VSNL1: variants seen among roughly 807,000 people sequenced by gnomAD.
VSNL1 encodes visinin-like protein 1.
Under a neutral mutation model 20.4 loss-of-function variants are expected in VSNL1, and 6 were observed. That is an observed-to-expected ratio of 0.29 (90% CI 0.16 to 0.58). VSNL1 has a LOEUF of 0.58. Ranked by LOEUF, VSNL1 falls within the 20% of genes least tolerant of loss-of-function variation. The pLI is 0.90. For missense variants in VSNL1, 100 were observed against 234.5 expected (o/e 0.43, Z 3.75); for synonymous variants, 93 against 86.4 (o/e 1.08, Z -0.42).
intron 1 of VSNL1, among the ~76,000 whole-genome samples, chr2:17,586,762 C>A (rs1231689289): frequency 1.3e-5 from 2 of 152,114 alleles, no homozygotes; most frequent in Non-Finnish European, 1.5e-5. Context: ...ATATCAAATA[C>A]AAGGAAAAGA....
intron 2 of VSNL1, among the ~76,000 whole-genome samples, chr2:17,629,200 G>A (rs796193402): frequency 2.6e-5 from 4 of 152,322 alleles, no homozygotes; most frequent in African/African-American, 9.6e-5. Context: ...GCTCAGGGTT[G>A]TTTAGTTGAA....
At chr2:17,577,901 A>G (rs913592844) in intron 1 of VSNL1, among the ~76,000 whole-genome samples, 1 of 152,056 alleles carries the variant, frequency 6.6e-6, no homozygotes, top group Admixed American at 6.5e-5. Context: ...TCAGGGTTCA[A>G]ATCCCAACTC....
intron 1 of VSNL1, 145 bp from the exon 2 acceptor site, chr2:17,591,925 A>T: frequency 1.3e-6 from 1 of 757,010 alleles, no homozygotes; most frequent in South Asian, 1.9e-5. Flanking sequence ...TACCAAGTAG[A>T]AGGAGGCAGA....
chr2:17,636,195 G>C (rs977888943), intron 2 of VSNL1, among the ~76,000 whole-genome samples: 1 of 151,972 alleles, frequency 6.6e-6, no homozygotes, highest in Middle Eastern at 3.4e-3. Context: ...TGTCATCAAG[G>C]TACAAAGGCA....
At chr2:17,640,474 T>TATAGATATCCTATAGATATCCTATAGA (rs1324954796) in intron 2 of VSNL1, among the ~76,000 whole-genome samples, 2 of 152,186 alleles carry the variant, frequency 1.3e-5, no homozygotes, top group East Asian at 3.9e-4. Context: ...CAACCAGATC[T>TATAGATATCCTATAGATATCCTATAGA]TATCCTATAA....
chr2:17,608,674 A>G (rs1244342824), intron 2 of VSNL1, among the ~76,000 whole-genome samples: 1 of 152,208 alleles, frequency 6.6e-6, no homozygotes, highest in East Asian at 1.9e-4. Context: ...AAAAGTCTTC[A>G]TGGCGAGACT....
chr2:17,589,033 AG>A (rs1435654673), intron 1 of VSNL1, among the ~76,000 whole-genome samples: 3 of 152,206 alleles, frequency 2.0e-5, no homozygotes, highest in Non-Finnish European at 4.4e-5. Context: ...AGCTTTTACA[AG>A]GAAAGGGAGA....
At chr2:17,592,673 T>C (rs1664622367) in intron 2 of VSNL1, among the ~76,000 whole-genome samples, 1 of 36,156 alleles carries the variant, frequency 2.8e-5, no homozygotes. Flanking sequence ...TTTTTTTTTT[T>C]TTTTTTACCA....
At chr2:17,560,874 C>G (rs543536728) in intron 1 of VSNL1, among the ~76,000 whole-genome samples, 172 of 152,250 alleles carry the variant, frequency 1.1e-3, no homozygotes, top group African/African-American at 3.6e-3. Context: ...AACTGAGATT[C>G]AGATTGCAAC....
intron 2 of VSNL1, among the ~76,000 whole-genome samples, chr2:17,608,019 A>G (rs952344684): frequency 5.9e-5 from 9 of 152,258 alleles, no homozygotes; most frequent in African/African-American, 1.2e-4. Context: ...AGAGTTGTCA[A>G]TGAACTTCCT....
chr2:17,656,707 A>G lies in VSNL1; in HGVS notation c.*1313A>G, dbSNP rs1480924175. The G allele has an allele frequency of 6.6e-6, 1 of 152,190 alleles. No individual in the cohort carries two copies. Among genetic ancestry groups the G allele is most frequent in the Non-Finnish European group, 1.5e-5 (1 of 68,032 alleles). The allele number at this position is 152,190 out of a possible 1,614,324, so 9.4% of individuals were successfully genotyped here. On this transcript the variant is annotated 3_prime_UTR_variant, in exon 4 of 4. Coordinates refer to ENST00000295156, the MANE Select transcript of VSNL1 (RefSeq NM_003385.5). ...CAGAACATGCCCCCCTAGAGAGTTGAGTTTTTTACACAGCACTACCCGGTA... is the reference window on the plus strand; with the variant it reads ...CAGAACATGCCCCCCTAGAGAGTTGGGTTTTTTACACAGCACTACCCGGTA...
At chr2:17,606,947 A>T (rs1664958695) in intron 2 of VSNL1, among the ~76,000 whole-genome samples, 1 of 152,104 alleles carries the variant, frequency 6.6e-6, no homozygotes, top group Non-Finnish European at 1.5e-5. Flanking sequence ...TGTCTGTGTG[A>T]TGCCTGGAGT....
chr2:17,571,002 G>T (rs1160021934), intron 1 of VSNL1, among the ~76,000 whole-genome samples: 1 of 151,952 alleles, frequency 6.6e-6, no homozygotes, highest in Non-Finnish European at 1.5e-5. Flanking sequence ...CTGTAGCCTG[G>T]GGAACAGAGC....
intron 2 of VSNL1, among the ~76,000 whole-genome samples, chr2:17,600,074 A>G (rs1027162291): frequency 1.3e-5 from 2 of 152,186 alleles, no homozygotes; most frequent in African/African-American, 4.8e-5. Flanking sequence ...ATCTGTCCCA[A>G]CTTTTAGCAA....
At chr2:17,632,017 G>C (rs1181094661) in intron 2 of VSNL1, among the ~76,000 whole-genome samples, 1 of 152,082 alleles carries the variant, frequency 6.6e-6, no homozygotes, top group East Asian at 1.9e-4. Context: ...CTCCCACGTA[G>C]CTGGGACTAC....
chr2:17,619,458 A>G lies in VSNL1; in HGVS notation c.162+27222A>G, dbSNP rs140062445. Among the ~76,000 whole-genome samples, 398 of 152,214 alleles carry G rather than the reference A, an allele frequency of 2.6e-3. 2 individuals carry two copies. The highest frequency in any genetic ancestry group is 0.014 in the Middle Eastern group (4 of 294). On this transcript the variant is annotated intron_variant, in intron 2 of 3. Transcript: ENST00000295156. ...GGAGACATTTTAGGGCACATAACAC[A>G]TATTTTACATGAATATTAACTCAAA...
rs1464372112 is a variant in VSNL1 at position 17,655,552 on chromosome 2, C to G, written c.*158C>G. 3.0e-6 allele frequency: 2 copies of G among 668,666 alleles called. No individual in the cohort carries two copies. The highest frequency in any genetic ancestry group is 3.6e-5 in the African/African-American group (2 of 55,210). The allele number at this position is 668,666 out of a possible 1,614,324, so 41.4% of individuals were successfully genotyped here. On this transcript the variant is annotated 3_prime_UTR_variant, in exon 4 of 4. Transcript: ENST00000295156. This position sits in a 1 kb window ranked among gnomAD's most constrained non-coding sequence, Gnocchi z 5.2. Reference sequence around the variant, plus strand: ...GGACTTGCTTCTTGTGTTTGAAACACTCGTGTGCATGAGAATGTCATTTGC... The same window carrying G: ...GGACTTGCTTCTTGTGTTTGAAACAGTCGTGTGCATGAGAATGTCATTTGC...
At chr2:17,618,356 C>T (rs1333391069) in intron 2 of VSNL1, among the ~76,000 whole-genome samples, 1 of 152,182 alleles carries the variant, frequency 6.6e-6, no homozygotes, top group African/African-American at 2.4e-5. Context: ...GCTTGAGACC[C>T]CTCCTCCATC....
At chr2:17,639,191 G>A (rs1665827010) in intron 2 of VSNL1, among the ~76,000 whole-genome samples, 1 of 152,150 alleles carries the variant, frequency 6.6e-6, no homozygotes, top group African/African-American at 2.4e-5. Flanking sequence ...AAAATGCATT[G>A]CTTCGATGGA....
Sources: allele counts gnomAD v4.1 joint callset (sites outside exome capture counted in the v4.1 genomes callset), GRCh38; gene constraint gnomAD v4.1.1; non-coding constraint Gnocchi (gnomAD v3.1); transcripts MANE v1.5; gene names NCBI Gene and HGNC (gene_info 2026-07-23, HGNC 2026-07-21).